The following ARMC2 variants were observed in gnomAD, a reference collection of about 807,000 sequenced individuals.
ARMC2 encodes the protein armadillo repeat-containing protein 2.
A neutral mutation model predicts 90.3 loss-of-function variants in ARMC2; 67 were observed. That is an observed-to-expected ratio of 0.74 (90% CI 0.61 to 0.91). ARMC2 has a LOEUF of 0.91. Ranked by LOEUF, ARMC2 falls within the 40% of genes least tolerant of loss-of-function variation. The pLI is 0.00. For synonymous variants in ARMC2, 393 were observed against 393.0 expected, an observed-to-expected ratio of 1.00 and a Z score of 0.00; for missense variants, 920 against 1,030.9, an observed-to-expected ratio of 0.89 and a Z score of 1.47.
intron 7 of ARMC2, among the ~76,000 whole-genome samples, chr6:108,903,730 G>C (rs1772388685): frequency 6.6e-6 from 1 of 152,182 alleles, no homozygotes. Flanking sequence ...GGTAATGTTT[G>C]TTGAATGTGG....
At chr6:108,944,465 G>T (rs1776660602) in intron 12 of ARMC2, among the ~76,000 whole-genome samples, 1 of 152,192 alleles carries the variant, frequency 6.6e-6, no homozygotes, top group Non-Finnish European at 1.5e-5. Context: ...GGCCAGAGTG[G>T]CTCCCTCAGG....
At chr6:108,952,725 C>T (rs1198629639) in intron 12 of ARMC2, among the ~76,000 whole-genome samples, 1 of 152,168 alleles carries the variant, frequency 6.6e-6, no homozygotes, top group Non-Finnish European at 1.5e-5. Flanking sequence ...AATGCTGTCC[C>T]ACTCAACTAA....
the ARMC2 span, chr6:108,993,084 T>G: frequency 1.9e-6 from 1 of 527,402 alleles, no homozygotes; most frequent in East Asian, 3.3e-5. Flanking sequence ...AAAGGAGATT[T>G]TCTGTTATAA....
At chr6:108,993,433 T>C in the ARMC2 span, among the ~76,000 whole-genome samples, 5 of 152,176 alleles carry the variant, frequency 3.3e-5, no homozygotes, top group South Asian at 4.1e-4. Context: ...CATGTAAGTG[T>C]ATCATTAGAT....
At chr6:108,926,830 T>C (rs1445905754) in intron 10 of ARMC2, among the ~76,000 whole-genome samples, 1 of 152,098 alleles carries the variant, frequency 6.6e-6, no homozygotes, top group East Asian at 1.9e-4. Flanking sequence ...TCACTTCCAA[T>C]GTTTGGGATA....
the ARMC2 span, among the ~76,000 whole-genome samples, chr6:109,015,267 G>A: frequency 6.6e-6 from 1 of 152,000 alleles, no homozygotes; most frequent in Admixed American, 6.6e-5. Flanking sequence ...CTTCTCCTTG[G>A]AACTCATAGA....
At chr6:108,916,521 G>C (rs1773987739) in intron 10 of ARMC2, among the ~76,000 whole-genome samples, 1 of 152,200 alleles carries the variant, frequency 6.6e-6, no homozygotes, top group Non-Finnish European at 1.5e-5. Context: ...TGTCTGTAAA[G>C]TCGTAAGAGT....
intron 16 of ARMC2, 122 bp from the exon 17 acceptor site, chr6:108,964,858 A>AT (rs1467737042): frequency 2.7e-6 from 2 of 747,978 alleles, no homozygotes; most frequent in Non-Finnish European, 4.3e-6. Context: ...ATAAGGAATT[A>AT]TTTTAAGTGA....
At chr6:108,929,217 T>C (rs962894399) in intron 11 of ARMC2, among the ~76,000 whole-genome samples, 1 of 152,128 alleles carries the variant, frequency 6.6e-6, no homozygotes, top group Admixed American at 6.5e-5. Flanking sequence ...TCTAATGCAT[T>C]GTAGAATCAT....
the ARMC2 span, chr6:109,008,674 G>T: frequency 8.3e-6 from 5 of 601,778 alleles, no homozygotes; most frequent in South Asian, 7.3e-5. Flanking sequence ...TTTACCTAAG[G>T]TTACATTAGT....
At chr6:109,003,046 T>TA in the ARMC2 span, among the ~76,000 whole-genome samples, 1 of 152,114 alleles carries the variant, frequency 6.6e-6, no homozygotes, top group Non-Finnish European at 1.5e-5. Flanking sequence ...TAGAATCCTG[T>TA]ACCTTATGTG....
At chr6:109,021,712 T>C in the ARMC2 span, among the ~76,000 whole-genome samples, 3 of 152,112 alleles carry the variant, frequency 2.0e-5, no homozygotes, top group Non-Finnish European at 2.9e-5. Flanking sequence ...ACTGGGATTA[T>C]AGGCATGAGC....
chr6:108,964,156 T>C, intron 15 of ARMC2, 24 bp from the exon 16 acceptor site: 1 of 1,603,268 alleles, frequency 6.2e-7, no homozygotes, highest in Non-Finnish European at 8.5e-7. Flanking sequence ...TTTACTGGTC[T>C]GCATTTGCTC....
intron 11 of ARMC2, among the ~76,000 whole-genome samples, chr6:108,930,875 G>T (rs1459739820): frequency 6.6e-6 from 1 of 150,536 alleles, no homozygotes; most frequent in African/African-American, 2.4e-5. Flanking sequence ...GATTACAGGC[G>T]TGAGCCACCG....
At position 108,959,272 on chromosome 6, in the gene ARMC2, T is replaced by C. The variant is rs114414470; in HGVS notation, c.1916-2300T>C. On this transcript the variant is annotated intron_variant, in intron 13 of 17. Coordinates refer to ENST00000392644, the MANE Select transcript of ARMC2 (RefSeq NM_032131.6). ...AACATAGTAATTTATAAAAAGGCTG[T>C]TCTCTTTAATGAACAGGAAAAGATG... Among the ~76,000 whole-genome samples, 864 of 152,276 alleles carry C rather than the reference T, an allele frequency of 5.7e-3. 5 individuals are homozygous for C. Among genetic ancestry groups the C allele is most frequent in the African/African-American group, 0.019 (779 of 41,556 alleles).
chr6:108,879,397 A>G (rs1441396406), intron 5 of ARMC2, among the ~76,000 whole-genome samples: 1 of 149,938 alleles, frequency 6.7e-6, no homozygotes, highest in African/African-American at 2.5e-5. Context: ...TCATCCATCC[A>G]TATACCCATC....
intron 3 of ARMC2, among the ~76,000 whole-genome samples, chr6:108,864,438 G>A (rs1017161745): frequency 1.3e-5 from 2 of 152,022 alleles, no homozygotes; most frequent in Middle Eastern, 3.4e-3. Flanking sequence ...TAGTAGAGAC[G>A]GGGTTTCACC....
chr6:108,877,467 T>G (rs1160274735), intron 5 of ARMC2, among the ~76,000 whole-genome samples: 1 of 152,130 alleles, frequency 6.6e-6, no homozygotes, highest in African/African-American at 2.4e-5. Flanking sequence ...AAAGGAAAAA[T>G]GAAATGTCTC....
chr6:108,849,727 G>A (rs1439083886), intron 1 of ARMC2, among the ~76,000 whole-genome samples: 4 of 152,220 alleles, frequency 2.6e-5, no homozygotes, highest in Non-Finnish European at 5.9e-5. Context: ...CTGTGCTAAC[G>A]CACTTTACAT....
Sources: allele counts gnomAD v4.1 joint callset (sites outside exome capture counted in the v4.1 genomes callset), GRCh38; gene constraint gnomAD v4.1.1; transcripts MANE v1.5; gene names NCBI Gene and HGNC (gene_info 2026-07-23, HGNC 2026-07-21).